The following ASTN2 variants were observed in gnomAD, a reference collection of about 807,000 sequenced individuals.
ASTN2 encodes the protein astrotactin-2.
In ASTN2, 54 loss-of-function variants were observed where a neutral mutation model predicts 139.8. That is an observed-to-expected ratio of 0.39 (90% CI 0.31 to 0.48). The LOEUF (loss-of-function observed/expected upper bound fraction) is 0.48. Ranked by LOEUF, ASTN2 falls within the 20% of genes least tolerant of loss-of-function variation. ASTN2 has a pLI of 0.95. For missense variants in ASTN2, 1,565 were observed against 1,725.1 expected, an observed-to-expected ratio of 0.91 and a Z score of 1.64; for synonymous variants, 756 against 719.5, an observed-to-expected ratio of 1.05 and a Z score of -0.81.
rs374610562 is a variant in ASTN2 at position 117,008,159 on chromosome 9, T to G, written c.1524A>C (p.Pro508=). 2 of 1,611,172 alleles carry G rather than the reference T, an allele frequency of 1.2e-6. No homozygotes were observed. The highest frequency in any genetic ancestry group is 1.7e-6 in the Non-Finnish European group (2 of 1,178,726). ...SLYYQINATS[P]WVRDLCGQRT... ...TTTGTCCACAGAGGTCCCTCACCCA[T>G]GGGGAGGTGGCATTGATCTGGTAAT... Residue 508 remains proline (P), a synonymous_variant, in exon 7 of 23, where the codon CCA becomes CCC. Transcript: ENST00000313400.
intron 16 of ASTN2, among the ~76,000 whole-genome samples, chr9:116,654,636 A>G (rs562791130): frequency 2.0e-5 from 3 of 152,330 alleles, no homozygotes; most frequent in African/African-American, 7.2e-5. Context: ...AGTGTGTCCC[A>G]AAGAAGGAAA....
intron 10 of ASTN2, among the ~76,000 whole-genome samples, chr9:116,918,081 A>G (rs1191335636): frequency 1.3e-5 from 2 of 152,102 alleles, no homozygotes; most frequent in Non-Finnish European, 2.9e-5. Context: ...TGCCGCCACC[A>G]TGTAAGAAGA....
chr9:116,627,035 G>A (rs1218381948), intron 17 of ASTN2, among the ~76,000 whole-genome samples: 1 of 152,218 alleles, frequency 6.6e-6, no homozygotes, highest in Non-Finnish European at 1.5e-5. Context: ...CCTTAGGAAT[G>A]AAACAAGACA....
At chr9:116,956,005 AGCAGAACGAACT>A (rs1413173921) in intron 10 of ASTN2, among the ~76,000 whole-genome samples, 4 of 152,260 alleles carry the variant, frequency 2.6e-5, no homozygotes, top group African/African-American at 9.6e-5. Context: ...TTGGCTGTAC[AGCAGAACGAACT>A]GAGAGCTTTA....
At chr9:117,177,892 G>A (rs1830957974) in intron 3 of ASTN2, among the ~76,000 whole-genome samples, 1 of 152,188 alleles carries the variant, frequency 6.6e-6, no homozygotes, top group African/African-American at 2.4e-5. Flanking sequence ...TGTCCATCCT[G>A]TGCCTCATTT....
chr9:116,626,756 T>C (rs1856484234), intron 17 of ASTN2, among the ~76,000 whole-genome samples: 1 of 152,146 alleles, frequency 6.6e-6, no homozygotes, highest in Non-Finnish European at 1.5e-5. Flanking sequence ...ACATATATTG[T>C]AAGCATGGTG....
intron 13 of ASTN2, among the ~76,000 whole-genome samples, chr9:116,772,981 T>C (rs1483202428): frequency 6.6e-6 from 1 of 152,008 alleles, no homozygotes; most frequent in African/African-American, 2.4e-5. Flanking sequence ...GAATAAAAGA[T>C]GGAAGAGAAA....
At chr9:117,311,349 C>T (rs761906657) in intron 1 of ASTN2, among the ~76,000 whole-genome samples, 1 of 152,064 alleles carries the variant, frequency 6.6e-6, no homozygotes, top group Non-Finnish European at 1.5e-5. Flanking sequence ...TGTTAGTGAC[C>T]GGTCTGGAAT....
At chr9:117,029,644 G>A (rs1041778369) in intron 6 of ASTN2, among the ~76,000 whole-genome samples, 2 of 151,856 alleles carry the variant, frequency 1.3e-5, no homozygotes, top group Non-Finnish European at 2.9e-5. Flanking sequence ...GCCACAGAGA[G>A]TATGGTATGC....
intron 1 of ASTN2, among the ~76,000 whole-genome samples, chr9:117,341,625 C>G (rs532540641): frequency 6.6e-6 from 1 of 152,110 alleles, no homozygotes; most frequent in East Asian, 1.9e-4. Flanking sequence ...GGCCTTTTGC[C>G]ACCAGATTTA....
Position 116,930,466 on chromosome 9 carries a change from G to A in ASTN2, c.1889+44742C>T, listed in dbSNP as rs77174597. ...GACTGGGAGTGAAAAAAAGGGGATG[G>A]CACCCAAGATTGGGTACCCAAGAAC... On this transcript the variant is annotated intron_variant, in intron 10 of 22. Transcript: ENST00000313400. 2.8e-3 allele frequency among the ~76,000 whole-genome samples: 428 copies of A among 152,162 alleles called. 8 individuals carry two copies. In the South Asian group the frequency reaches 0.064, roughly 23 times the overall value.
chr9:116,546,085 G>A (rs1334399532), intron 19 of ASTN2: 1 of 152,230 alleles, frequency 6.6e-6, no homozygotes, highest in African/African-American at 2.4e-5. Flanking sequence ...ATAAAGATGA[G>A]AGTGCCTCGG....
At chr9:117,349,441 C>A (rs549873759) in intron 1 of ASTN2, among the ~76,000 whole-genome samples, 4 of 152,112 alleles carry the variant, frequency 2.6e-5, no homozygotes, top group Admixed American at 6.6e-5. Context: ...TTAGACATGG[C>A]CCCCTGCCTT....
intron 4 of ASTN2, among the ~76,000 whole-genome samples, chr9:117,101,265 C>A (rs1828970444): frequency 6.6e-6 from 1 of 152,134 alleles, no homozygotes; most frequent in Admixed American, 6.5e-5. Flanking sequence ...GGGCCACAGG[C>A]CAATTACAGT....
At position 116,820,620 on chromosome 9, in the gene ASTN2, C is replaced by A; in HGVS notation, c.2204G>T (p.Cys735Phe). 6.2e-7 allele frequency: 1 copy of A among 1,613,392 alleles called. No individual in the cohort carries two copies. Among genetic ancestry groups the A allele is most frequent in the Non-Finnish European group, 8.5e-7 (1 of 1,179,594 alleles). ...GGCCTTGGGGACAGAGACTCACCCG[C>A]AGAACATGAAGATGGTGCTCGAAGT... is the stretch of plus-strand genomic sequence containing the variant. Reference protein sequence around the residue: ...DATSSTIFMFCGCVEEYKLAP... With the variant: ...DATSSTIFMFFGCVEEYKLAP... The change falls in exon 12 of 23, where the codon TGC becomes TTC. Residue 735 changes from cysteine to phenylalanine, a missense_variant. Coordinates refer to ENST00000313400, the MANE Select transcript of ASTN2 (RefSeq NM_001365068.1).
chr9:117,224,122 G>A (rs1832622615), intron 2 of ASTN2, among the ~76,000 whole-genome samples: 1 of 152,194 alleles, frequency 6.6e-6, no homozygotes, highest in Non-Finnish European at 1.5e-5. Flanking sequence ...GGAATGCTTG[G>A]AGACACCAGC....
At chr9:116,664,923 C>T (rs182589504) in intron 16 of ASTN2, among the ~76,000 whole-genome samples, 8 of 152,230 alleles carry the variant, frequency 5.3e-5, no homozygotes, top group Non-Finnish European at 1.0e-4. Flanking sequence ...GGAGGTGAGA[C>T]GGGGTAGGAG....
intron 20 of ASTN2, among the ~76,000 whole-genome samples, chr9:116,478,782 C>T (rs1011564812): frequency 6.6e-6 from 1 of 151,868 alleles, no homozygotes; most frequent in Non-Finnish European, 1.5e-5. Context: ...ATCACGAGGT[C>T]AGGAGTTCGA....
chr9:116,660,710 C>A (rs1436609698), intron 16 of ASTN2, among the ~76,000 whole-genome samples: 1 of 152,182 alleles, frequency 6.6e-6, no homozygotes, highest in African/African-American at 2.4e-5. Flanking sequence ...AATTACCTGT[C>A]TTCTACCTAC....
Sources: gnomAD v4.1 joint callset for allele counts (sites outside exome capture counted in the v4.1 genomes callset) on GRCh38, gnomAD v4.1.1 for gene constraint, MANE v1.5 for transcripts, NCBI Gene and HGNC (gene_info 2026-07-23, HGNC 2026-07-21) for gene names.